The following ZMAT1 variants were observed in gnomAD, a reference collection of about 807,000 sequenced individuals.
ZMAT1 encodes the protein zinc finger matrin-type 1.
Under a neutral mutation model 18.5 loss-of-function variants are expected in ZMAT1, and 11 were observed. The ratio of observed to expected loss-of-function variants is 0.59; its 90% CI spans 0.37 to 0.98. The LOEUF is 0.98. Ranked by LOEUF, ZMAT1 falls within the 50% of genes least tolerant of loss-of-function variation. ZMAT1 has a pLI of 0.01. For missense variants in ZMAT1, 525 were observed against 496.2 expected, an observed-to-expected ratio of 1.06 and a Z score of -0.55; for synonymous variants, 211 against 176.4, an observed-to-expected ratio of 1.20 and a Z score of -1.55.
At chrX:101,926,484 T>A (rs1930066631) in intron 1 of ZMAT1, among the ~76,000 whole-genome samples, 1 of 112,368 alleles carries the variant, frequency 8.9e-6, no homozygotes, top group Non-Finnish European at 1.9e-5. Context: ...CAACAGGCAA[T>A]TTAAGATGAA....
chrX:101,923,201 A>G (rs111556934), intron 1 of ZMAT1, among the ~76,000 whole-genome samples: 6,664 of 111,112 alleles, frequency 0.06, 436 homozygotes, highest in African/African-American at 0.19. Flanking sequence ...ATCTATTTTT[A>G]TTGGTTGGTT....
In ZMAT1 at chrX:101,884,247, C is replaced by A; in HGVS notation, c.1351G>T (p.Asp451Tyr). ...HSKRTYDSFQ[D>Y]ELEDYIKVQK... ...ACTTTTATGTAATCTTCAAGTTCAT[C>A]TTGGAAAGAATCATATGTCCTCTTT... Residue 451 changes from aspartate to tyrosine, a missense_variant, in exon 6 of 6, where the codon GAT (aspartate) becomes TAT (tyrosine). By Grantham distance (160) the Asp-to-Tyr change is radical. Transcript: ENST00000651725. 8.3e-7 allele frequency: 1 copy of A among 1,209,987 alleles called. No individual in the cohort carries two copies. Among genetic ancestry groups the A allele is most frequent in the Non-Finnish European group, 1.1e-6 (1 of 894,745 alleles).
At chrX:101,928,612 C>T (rs1930201651) in intron 1 of ZMAT1, among the ~76,000 whole-genome samples, 1 of 112,832 alleles carries the variant, frequency 8.9e-6, no homozygotes. Context: ...CCGCCTCCGC[C>T]TTCCAAAGTG....
chrX:101,927,519 T>G (rs1156810061), intron 1 of ZMAT1, among the ~76,000 whole-genome samples: 5 of 112,388 alleles, frequency 4.4e-5, no homozygotes, highest in African/African-American at 1.6e-4. Context: ...ATGTTAACAA[T>G]TACATATTAC....
At chrX:101,886,591 G>T (rs187050873) in intron 5 of ZMAT1, 41 bp downstream of exon 5, 2 of 949,094 alleles carry the variant, frequency 2.1e-6, no homozygotes, top group Non-Finnish European at 3.0e-6. Flanking sequence ...TAGAAGCTCT[G>T]GTCTTTGGTA....
intron 1 of ZMAT1, among the ~76,000 whole-genome samples, chrX:101,922,716 T>C (rs1929806261): frequency 9.0e-6 from 1 of 111,443 alleles, no homozygotes; most frequent in Admixed American, 9.6e-5. Flanking sequence ...GCTTGACATA[T>C]GTAAGAAACA....
At chrX:101,905,716 A>G in intron 1 of ZMAT1, among the ~76,000 whole-genome samples, 1 of 111,717 alleles carries the variant, frequency 9.0e-6, no homozygotes, top group Non-Finnish European at 1.9e-5. Flanking sequence ...AACTTTCTGT[A>G]CAACTGTCTT....
intron 4 of ZMAT1, 50 bp downstream of exon 4, chrX:101,897,818 C>G (rs776644966): frequency 8.9e-6 from 10 of 1,128,311 alleles, no homozygotes; most frequent in Non-Finnish European, 1.1e-5. Flanking sequence ...TTAGACAAAA[C>G]ATGATAGGTA....
intron 1 of ZMAT1, among the ~76,000 whole-genome samples, chrX:101,916,237 T>C (rs1160950519): frequency 3.7e-5 from 4 of 107,630 alleles, no homozygotes; most frequent in Non-Finnish European, 7.7e-5. Context: ...TCGGGGCCAG[T>C]TGGGGGGTGG....
At chrX:101,921,178 C>T (rs753786609) in intron 1 of ZMAT1, among the ~76,000 whole-genome samples, 11 of 111,843 alleles carry the variant, frequency 9.8e-5, no homozygotes, top group Middle Eastern at 9.1e-3. Context: ...CCTTCCACCA[C>T]GGTTGTTTTC....
At chrX:101,902,752 G>C (rs1437788060) in intron 2 of ZMAT1, among the ~76,000 whole-genome samples, 5 of 111,877 alleles carry the variant, frequency 4.5e-5, no homozygotes, top group Non-Finnish European at 9.4e-5. Flanking sequence ...ATAGAGGAAA[G>C]TATATGACAA....
chrX:101,904,330 T>C lies in ZMAT1; in HGVS notation c.293A>G (p.Asp98Gly). 1.7e-6 allele frequency: 2 copies of C among 1,184,616 alleles called. No homozygotes were observed. The highest frequency in any genetic ancestry group is 1.9e-5 in the South Asian group (1 of 53,460). Residue 98 changes from aspartate to glycine, a missense_variant and splice_region_variant, in exon 2 of 6, where the codon GAC becomes GGC. By Grantham distance (94) the Asp-to-Gly change is moderately conservative. Coordinates refer to ENST00000651725, the MANE Select transcript of ZMAT1 (RefSeq NM_001394560.1). ...CTTTTCCTGTTCATTCCAAATGGCG[T>C]CTGTGAATAAAAAAGGGAAGACAAA... The part of the protein sequence containing the change: ...KVDTRPCLRE[D>G]AIWNEQEKAE...
rs774005561 is a variant in ZMAT1 at position 101,914,412 on chromosome X, GT to G, written c.293-10083del. Among the ~76,000 whole-genome samples the G allele has an allele frequency of 3.6e-4, 40 of 110,140 alleles. 3 individuals are homozygous for G. The highest frequency in any genetic ancestry group is 2.0e-3 in the East Asian group (7 of 3,513). On this transcript the variant is annotated intron_variant, in intron 1 of 5. Coordinates refer to ENST00000651725, the MANE Select transcript of ZMAT1 (RefSeq NM_001394560.1). ...AAAGACCAATGAAACAAAAAGCTGG[GT>G]TTTTTTTGAAAAGTTCAACAAAATT...
At chrX:101,886,788 A>T in intron 4 of ZMAT1, 57 bp from the exon 5 acceptor site, 1 of 825,062 alleles carries the variant, frequency 1.2e-6, no homozygotes, top group Non-Finnish European at 1.6e-6. Context: ...TTAGAATCAC[A>T]TAATGTTAGA....
At chrX:101,899,798 C>A (rs2147617093) in intron 2 of ZMAT1, among the ~76,000 whole-genome samples, 1 of 111,846 alleles carries the variant, frequency 8.9e-6, no homozygotes, top group African/African-American at 3.2e-5. Flanking sequence ...ATAATAACTT[C>A]TTTTTCTCTG....
intron 1 of ZMAT1, among the ~76,000 whole-genome samples, chrX:101,916,591 G>A (rs1929350628): frequency 9.0e-6 from 1 of 111,222 alleles, no homozygotes; most frequent in African/African-American, 3.3e-5. Context: ...AATCAATATT[G>A]TTAAAATCTC....
chrX:101,920,610 G>GA (rs920235707), intron 1 of ZMAT1, among the ~76,000 whole-genome samples: 1 of 110,419 alleles, frequency 9.1e-6, no homozygotes, highest in East Asian at 2.8e-4. Flanking sequence ...GAAAATAATG[G>GA]AAAAAAAAGA....
chrX:101,928,676 T>C (rs1424056047), intron 1 of ZMAT1, among the ~76,000 whole-genome samples: 2 of 112,851 alleles, frequency 1.8e-5, no homozygotes, highest in Non-Finnish European at 3.7e-5. Flanking sequence ...GATTTTCTTA[T>C]GGTGGTCTTA....
At position 101,931,789 on chromosome X, in the gene ZMAT1, C is replaced by T. The variant is rs1930514838; in HGVS notation, c.220G>A (p.Gly74Ser). ...CTCCCCGCCGCCGCCATAGTGGAGC[C>T]GCCAAAGCCGCCGCCGCCGCCGTCG... is the stretch of plus-strand genomic sequence containing the variant. The part of the protein sequence containing the change: ...CGDGGGGGFG[G>S]STMAAAGRGG... Residue 74 changes from glycine to serine, a missense_variant, in exon 1 of 6, where the codon GGC (glycine) becomes AGC (serine). Gly to Ser is a moderately conservative substitution (Grantham distance 56). Transcript: ENST00000651725. 5 of 781,335 alleles carry T rather than the reference C, an allele frequency of 6.4e-6. No homozygotes were observed. Among genetic ancestry groups the T allele is most frequent in the Non-Finnish European group, 7.6e-6 (5 of 659,328 alleles). 64.4% of individuals were successfully genotyped at this position (781,335 alleles called of 1,213,427 possible). A position where few individuals can be genotyped will look rare whatever the true frequency, so the allele number is the denominator to read the frequency against.
Sources: allele counts gnomAD v4.1 joint callset (sites outside exome capture counted in the v4.1 genomes callset), GRCh38; gene constraint gnomAD v4.1.1; transcripts MANE v1.5; gene names NCBI Gene and HGNC (gene_info 2026-07-23, HGNC 2026-07-21).